Variants in RIGI observed in about 807,000 individuals in gnomAD.
RIGI encodes antiviral innate immune response receptor RIG-I.
the RIGI span, among the ~76,000 whole-genome samples, chr9:32,490,607 C>G: frequency 3.7e-3 from 556 of 152,278 alleles, 6 homozygotes; most frequent in Admixed American, 7.5e-3. Context: ...TCTACCACCA[C>G]TATTAATCCC....
the RIGI span, chr9:32,500,994 A>G: frequency 6.3e-7 from 1 of 1,587,706 alleles, no homozygotes; most frequent in Non-Finnish European, 8.6e-7. Flanking sequence ...AATCATTAGA[A>G]GAAAAACCAG....
the RIGI span, among the ~76,000 whole-genome samples, chr9:32,499,311 G>GTTTTTTT: frequency 4.4e-3 from 358 of 80,980 alleles, 1 homozygote; most frequent in East Asian, 5.5e-3. Flanking sequence ...CAGAGTTTGT[G>GTTTTTTT]ATTTGTTTTT....
chr9:32,500,874 G>T, the RIGI span: 1 of 1,614,136 alleles, frequency 6.2e-7, no homozygotes, highest in Non-Finnish European at 8.5e-7. Flanking sequence ...AGGAACTTGA[G>T]AAAAAGTGTG....
the RIGI span, among the ~76,000 whole-genome samples, chr9:32,500,118 G>T: frequency 6.6e-6 from 1 of 152,102 alleles, no homozygotes; most frequent in African/African-American, 2.4e-5. Context: ...CTGTCTCAAT[G>T]CCTGTAGCTT....
chr9:32,485,072 G>A, the RIGI span: 3 of 776,468 alleles, frequency 3.9e-6, no homozygotes, highest in Non-Finnish European at 6.2e-6. Context: ...CTCTGGATAT[G>A]GTCTTGACAT....
At chr9:32,524,652 A>G in the RIGI span, among the ~76,000 whole-genome samples, 1 of 115,978 alleles carries the variant, frequency 8.6e-6, no homozygotes, top group African/African-American at 3.4e-5. Flanking sequence ...GATGTCACCC[A>G]GGCTGAGTGC....
chr9:32,459,415 A>C, the RIGI span: 3 of 1,613,744 alleles, frequency 1.9e-6, no homozygotes, highest in Non-Finnish European at 8.5e-7. Flanking sequence ...AAGGCTTTGC[A>C]CTTTCTGCAG....
the RIGI span, among the ~76,000 whole-genome samples, chr9:32,490,936 G>A: frequency 6.6e-6 from 1 of 152,168 alleles, no homozygotes; most frequent in Non-Finnish European, 1.5e-5. Flanking sequence ...AAAGGAAATT[G>A]AGCAAGTGAC....
At chr9:32,510,507 G>T in the RIGI span, among the ~76,000 whole-genome samples, 9 of 152,234 alleles carry the variant, frequency 5.9e-5, no homozygotes, top group Admixed American at 5.2e-4. Flanking sequence ...AAGCAAAGAA[G>T]AAATAAAATC....
At chr9:32,508,239 A>ATTTTTTTTTTTTTTTTTTTTTTGT in the RIGI span, among the ~76,000 whole-genome samples, 1 of 70,336 alleles carries the variant, frequency 1.4e-5, no homozygotes, top group African/African-American at 5.9e-5. Context: ...TATTTACTTA[A>ATTTTTTTTTTTTTTTTTTTTTTGT]TTTTTTTTTT....
At chr9:32,505,046 T>G in the RIGI span, among the ~76,000 whole-genome samples, 2 of 143,270 alleles carry the variant, frequency 1.4e-5, no homozygotes, top group Non-Finnish European at 3.0e-5. Flanking sequence ...AGATATATAA[T>G]ATATAATTTT....
the RIGI span, chr9:32,493,652 CTT>C: frequency 1.2e-5 from 9 of 727,170 alleles, no homozygotes; most frequent in Non-Finnish European, 1.9e-5. Flanking sequence ...TCTATGAGTA[CTT>C]TTGTGGGTTT....
At chr9:32,479,160 A>T in the RIGI span, among the ~76,000 whole-genome samples, 5 of 152,348 alleles carry the variant, frequency 3.3e-5, no homozygotes, top group East Asian at 9.7e-4. Flanking sequence ...GATACAAAAA[A>T]TCTGCAAAAA....
At chr9:32,469,441 CA>C in the RIGI span, among the ~76,000 whole-genome samples, 15 of 152,250 alleles carry the variant, frequency 9.9e-5, no homozygotes, top group Middle Eastern at 3.4e-3. Context: ...AGGTGTGGGG[CA>C]GTCATGAATG....
the RIGI span, among the ~76,000 whole-genome samples, chr9:32,491,713 C>CA: frequency 6.2e-3 from 627 of 100,380 alleles, 2 homozygotes; most frequent in African/African-American, 0.015. Context: ...TCGTATGCAC[C>CA]AAAAAAAAAA....
chr9:32,517,156 G>A, the RIGI span, among the ~76,000 whole-genome samples: 54 of 152,184 alleles, frequency 3.5e-4, no homozygotes, highest in Non-Finnish European at 6.8e-4. Context: ...ACGTTCTTCT[G>A]TAGTGCTGTT....
At chr9:32,490,355 C>T in the RIGI span, among the ~76,000 whole-genome samples, 9 of 152,158 alleles carry the variant, frequency 5.9e-5, no homozygotes, top group South Asian at 4.1e-4. Flanking sequence ...AGCAACAGAG[C>T]GAGAGACTCA....
the RIGI span, among the ~76,000 whole-genome samples, chr9:32,507,243 A>C: frequency 6.6e-6 from 1 of 152,218 alleles, no homozygotes; most frequent in Non-Finnish European, 1.5e-5. Context: ...AATAAAACTC[A>C]TAAAAGTTAT....
At chr9:32,488,542 C>A in the RIGI span, among the ~76,000 whole-genome samples, 760 of 152,236 alleles carry the variant, frequency 5.0e-3, 5 homozygotes, top group African/African-American at 0.017. Context: ...CATAGAAGGG[C>A]AAACCAGGGG....
Sources: gnomAD v4.1 joint callset for allele counts (sites outside exome capture counted in the v4.1 genomes callset) on GRCh38, gnomAD v4.1.1 for gene constraint, MANE v1.5 for transcripts, NCBI Gene and HGNC (gene_info 2026-07-23, HGNC 2026-07-21) for gene names.